Variants in DMD observed in about 807,000 individuals in gnomAD.
DMD encodes the protein dystrophin.
In DMD, 63 loss-of-function variants were observed where a neutral mutation model predicts 330.1. The observed-to-expected ratio is 0.19, with a 90% CI of 0.16 to 0.24. The LOEUF is 0.24. Ranked by LOEUF, DMD falls within the 10% of genes least tolerant of loss-of-function variation. DMD has a pLI of 1.00. For missense variants in DMD, 3,344 were observed against 2,684.1 expected, an observed-to-expected ratio of 1.25 and a Z score of -5.43; for synonymous variants, 1,223 against 959.8, an observed-to-expected ratio of 1.27 and a Z score of -5.07.
intron 9 of DMD, among the ~76,000 whole-genome samples, chrX:32,677,730 G>C (rs1473530889): frequency 9.0e-6 from 1 of 111,414 alleles, no homozygotes; most frequent in African/African-American, 3.3e-5. Flanking sequence ...ATAATGATAT[G>C]AGGAAATAAC....
At chrX:32,464,144 T>C (rs1483607103) in intron 24 of DMD, among the ~76,000 whole-genome samples, 1 of 111,962 alleles carries the variant, frequency 8.9e-6, no homozygotes, top group African/African-American at 3.2e-5. Flanking sequence ...AACAACACAG[T>C]ATGAATAGTA....
At chrX:31,644,157 C>T (rs1386955222) in intron 54 of DMD, among the ~76,000 whole-genome samples, 1 of 111,711 alleles carries the variant, frequency 9.0e-6, no homozygotes, top group African/African-American at 3.3e-5. Flanking sequence ...AGAAACTTGC[C>T]TTTCCAGGAA....
chrX:33,338,494 A>C (rs752832763), intron 1 of DMD, among the ~76,000 whole-genome samples: 3 of 108,545 alleles, frequency 2.8e-5, no homozygotes, highest in African/African-American at 1.0e-4. Flanking sequence ...TAAATAAATA[A>C]ATGCTCACAT....
chrX:32,305,664 T>G (rs181407130), intron 42 of DMD, among the ~76,000 whole-genome samples: 124 of 111,569 alleles, frequency 1.1e-3, no homozygotes, highest in Admixed American at 6.6e-3. Context: ...TTTTAAAACA[T>G]GATTGAGATC....
intron 13 of DMD, among the ~76,000 whole-genome samples, chrX:32,594,306 TG>T (rs1569271093): frequency 9.0e-6 from 1 of 111,501 alleles, no homozygotes; most frequent in Non-Finnish European, 1.9e-5. Flanking sequence ...TTTGAGCCTC[TG>T]GATGGCATTT....
rs189840313 is a variant in DMD, at chrX:33,006,703, A to G, written c.93+13436T>C. Among the ~76,000 whole-genome samples the G allele has an allele frequency of 8.1e-5, 9 of 111,690 alleles. No homozygotes were observed. In the East Asian group the frequency reaches 2.3e-3, roughly 28 times the overall value. On this transcript the variant is annotated intron_variant, in intron 2 of 78. Coordinates refer to ENST00000357033, the MANE Select transcript of DMD (RefSeq NM_004006.3). ...CTCTCATTGTTCCTTATTTTTTAAT[A>G]GAGATAAATGTATTTATTCTTGTTC...
intron 29 of DMD, among the ~76,000 whole-genome samples, chrX:32,431,123 T>C (rs2098236580): frequency 9.0e-6 from 1 of 111,286 alleles, no homozygotes; most frequent in Admixed American, 9.6e-5. Flanking sequence ...TTTTAATTTT[T>C]TTTTTGAGGA....
chrX:32,178,539 CATG>C (rs2096914210), intron 44 of DMD, among the ~76,000 whole-genome samples: 3 of 109,020 alleles, frequency 2.8e-5, no homozygotes, highest in Admixed American at 2.0e-4. Context: ...CTGTAGTCCT[CATG>C]ATGTATATTA....
At chrX:33,153,138 C>T (rs1298380052) in intron 1 of DMD, among the ~76,000 whole-genome samples, 9 of 112,791 alleles carry the variant, frequency 8.0e-5, no homozygotes, top group African/African-American at 2.6e-4. Context: ...AGGCAGGGGG[C>T]GTTGGCTCAC....
intron 2 of DMD, among the ~76,000 whole-genome samples, chrX:32,871,734 G>A (rs2083012432): frequency 9.0e-6 from 1 of 111,438 alleles, no homozygotes; most frequent in Admixed American, 9.6e-5. Flanking sequence ...GTAAGACACA[G>A]TCGTTGTTAT....
chrX:31,985,750 A>C (rs1206149590), intron 44 of DMD, among the ~76,000 whole-genome samples: 1 of 112,304 alleles, frequency 8.9e-6, no homozygotes, highest in Non-Finnish European at 1.9e-5. Flanking sequence ...ATAAACACAT[A>C]TTGTGGTAAT....
intron 1 of DMD, among the ~76,000 whole-genome samples, chrX:33,315,505 C>T (rs919617852): frequency 8.9e-6 from 1 of 112,110 alleles, no homozygotes; most frequent in Non-Finnish European, 1.9e-5. Flanking sequence ...GTTGGCAATA[C>T]GATGTGTGTG....
intron 19 of DMD, among the ~76,000 whole-genome samples, chrX:32,492,272 A>AGCTT (rs1313532342): frequency 1.8e-5 from 2 of 112,083 alleles, no homozygotes; most frequent in Non-Finnish European, 1.9e-5. Context: ...CGGGAGGCGG[A>AGCTT]GCTTGCAGTG....
intron 41 of DMD, among the ~76,000 whole-genome samples, chrX:32,336,563 A>T (rs916680845): frequency 9.0e-6 from 1 of 111,498 alleles, no homozygotes; most frequent in Non-Finnish European, 1.9e-5. Context: ...TAGTATGCCT[A>T]CTTCTAGAAG....
chrX:31,806,618 G>A (rs2092298942), intron 50 of DMD, among the ~76,000 whole-genome samples: 1 of 112,510 alleles, frequency 8.9e-6, no homozygotes, highest in African/African-American at 3.2e-5. Flanking sequence ...TTCCTTGAGT[G>A]TGCATCCCTT....
At chrX:31,836,226 T>C (rs1444660796) in intron 49 of DMD, among the ~76,000 whole-genome samples, 1 of 112,200 alleles carries the variant, frequency 8.9e-6, no homozygotes, top group African/African-American at 3.2e-5. Flanking sequence ...TCACTAAAAA[T>C]TCTTGACCCA....
chrX:31,822,966 C>A (rs751811050), intron 49 of DMD, among the ~76,000 whole-genome samples: 1 of 109,464 alleles, frequency 9.1e-6, no homozygotes, highest in African/African-American at 3.3e-5. Context: ...TCATTACAGA[C>A]GCCCCTTCCC....
intron 52 of DMD, among the ~76,000 whole-genome samples, chrX:31,681,867 G>A (rs376277627): frequency 4.4e-5 from 5 of 112,567 alleles, no homozygotes; most frequent in South Asian, 3.7e-4. Flanking sequence ...AGGCCAAAGC[G>A]GGTGGATCAT....
rs187246187 is a variant in DMD, at chrX:33,283,735, G to A, written c.7+55524C>T. ...ATTTAATTTTATGAAAACATCTGTC[G>A]AGGCCAGGTGCGGTGGCTCACACCT... is the stretch of plus-strand genomic sequence containing the variant. On this transcript the variant is annotated intron_variant, in intron 1 of 17. Coordinates refer to the DMD transcript ENST00000288447. Among the ~76,000 whole-genome samples the A allele has an allele frequency of 4.5e-3, 493 of 109,977 alleles. 9 individuals are homozygous for A. The highest frequency in any genetic ancestry group is 0.036 in the Admixed American group (375 of 10,302).
Sources: gnomAD v4.1 joint callset for allele counts (sites outside exome capture counted in the v4.1 genomes callset) on GRCh38, gnomAD v4.1.1 for gene constraint, MANE v1.5 for transcripts, NCBI Gene and HGNC (gene_info 2026-07-23, HGNC 2026-07-21) for gene names.